DGKH: variants seen among roughly 807,000 people sequenced by gnomAD.
DGKH encodes the protein DAG kinase eta.
DGKH carries 90 observed loss-of-function variants against 159.3 expected under a neutral mutation model. That is an observed-to-expected ratio of 0.57 (90% CI 0.48 to 0.67). The LOEUF is 0.67. DGKH is among the 30% of genes least tolerant of loss of function. The pLI is 0.00. For missense variants in DGKH, 1,181 were observed against 1,506.1 expected, an observed-to-expected ratio of 0.78 and a Z score of 3.57; for synonymous variants, 536 against 553.8, an observed-to-expected ratio of 0.97 and a Z score of 0.45.
At position 42,198,802 on chromosome 13, in the gene DGKH, C is replaced by T. The variant is rs185774440; in HGVS notation, c.2285+207C>T. ...TCCGTGATCTGTCCCTGAGATAGGT[C>T]CTTTTCCAGCCCGTTCTCTCTGAGA... On this transcript the variant is annotated intron_variant, in intron 18 of 29. Transcript: ENST00000337343. Among the ~76,000 whole-genome samples, 256 of 152,230 alleles carry T rather than the reference C, an allele frequency of 1.7e-3. 1 individual carries two copies. The highest frequency in any genetic ancestry group is 3.1e-3 in the Non-Finnish European group (211 of 68,006).
chr13:42,250,869 A>C (rs989155459), intron 29 of DGKH, among the ~76,000 whole-genome samples: 1 of 152,186 alleles, frequency 6.6e-6, no homozygotes, highest in Non-Finnish European at 1.5e-5. Context: ...TAGCACTCTA[A>C]TTAGCTTAAT....
chr13:42,124,822 G>A (rs187370356), intron 1 of DGKH, among the ~76,000 whole-genome samples: 1 of 152,312 alleles, frequency 6.6e-6, no homozygotes, highest in East Asian at 1.9e-4. Flanking sequence ...TTAAGAGTCT[G>A]TGCAAAATGG....
chr13:42,198,454 A>T (rs1252060154), intron 17 of DGKH, 24 bp from the exon 18 acceptor site: 1 of 1,597,978 alleles, frequency 6.3e-7, no homozygotes, highest in East Asian at 2.2e-5. Flanking sequence ...ATGCGATCCC[A>T]TATGTGTTTG....
chr13:42,221,665 C>G (rs1193407420), intron 29 of DGKH, among the ~76,000 whole-genome samples: 10 of 152,176 alleles, frequency 6.6e-5, no homozygotes, highest in Admixed American at 3.3e-4. Context: ...TGTTGCTGTG[C>G]TAGTATTTCC....
At chr13:42,175,662 CA>C (rs1956583128) in intron 12 of DGKH, among the ~76,000 whole-genome samples, 1 of 151,908 alleles carries the variant, frequency 6.6e-6, no homozygotes, top group African/African-American at 2.4e-5. Context: ...TTTTTTTGTA[CA>C]AAAGAGTTTT....
rs539781403 is a variant in DGKH, at chr13:42,183,984, A to T, written c.1539-3065A>T. 1.1e-3 allele frequency among the ~76,000 whole-genome samples: 174 copies of T among 152,340 alleles called. 1 individual carries two copies. The highest frequency in any genetic ancestry group is 2.2e-3 in the Non-Finnish European group (151 of 68,034). ...GTGTACAAAAGTTTCAGAAAATGGG[A>T]TAACTAGCTAGCAGGAATATTGACG... On this transcript the variant is annotated intron_variant, in intron 13 of 29. Transcript: ENST00000337343.
chr13:42,127,351 A>C (rs970846279), intron 1 of DGKH, 112 bp from the exon 2 acceptor site: 4 of 775,016 alleles, frequency 5.2e-6, no homozygotes, highest in Admixed American at 2.5e-5. Flanking sequence ...GTAATTTGTA[A>C]GACATGAGAA....
chr13:42,206,333 C>T (rs1441391474), intron 21 of DGKH, among the ~76,000 whole-genome samples, 187 bp downstream of exon 21: 1 of 152,096 alleles, frequency 6.6e-6, no homozygotes, highest in Non-Finnish European at 1.5e-5. Flanking sequence ...TGTACTCCAA[C>T]TTTTCTCATG....
chr13:42,226,557 C>T (rs115616840), intron 29 of DGKH, among the ~76,000 whole-genome samples: 5,695 of 152,214 alleles, frequency 0.037, 323 homozygotes, highest in African/African-American at 0.13. Context: ...AATTGCCCAT[C>T]AGTTGTAGAC....
In DGKH at chr13:42,136,088, C is replaced by T. The variant is rs191349126; in HGVS notation, c.384+6456C>T. Among the ~76,000 whole-genome samples the T allele has an allele frequency of 5.1e-4, 78 of 152,282 alleles. 1 individual carries two copies. The East Asian group carries it at 0.014, about 27-fold the overall frequency. ...TTTCCTCAACAGTCATTGAGAATAA[C>T]AAGAGTACCTACCTCATAGGATTAT... On this transcript the variant is annotated intron_variant, in intron 3 of 29. Transcript: ENST00000337343.
At chr13:42,250,791 G>C (rs1958615255) in intron 29 of DGKH, among the ~76,000 whole-genome samples, 1 of 152,072 alleles carries the variant, frequency 6.6e-6, no homozygotes, top group Non-Finnish European at 1.5e-5. Flanking sequence ...TCAGCCTAAA[G>C]GCATAAATGT....
At chr13:42,168,377 C>T in intron 9 of DGKH, 63 bp from the exon 10 acceptor site, 1 of 1,388,546 alleles carries the variant, frequency 7.2e-7, no homozygotes, top group Non-Finnish European at 1.0e-6. Context: ...TACAGAATAA[C>T]AAAGAATTGA....
At chr13:42,132,524 T>C (rs1955309284) in intron 3 of DGKH, among the ~76,000 whole-genome samples, 1 of 152,246 alleles carries the variant, frequency 6.6e-6, no homozygotes, top group African/African-American at 2.4e-5. Flanking sequence ...TACAGGTCTT[T>C]CTTGGCCCTT....
intron 20 of DGKH, among the ~76,000 whole-genome samples, chr13:42,200,854 T>C (rs1957330721): frequency 6.6e-6 from 1 of 152,170 alleles, no homozygotes; most frequent in Non-Finnish European, 1.5e-5. Context: ...GATAAAAAGG[T>C]ACAAAATCAG....
At chr13:42,249,976 TG>T (rs577008414) in intron 29 of DGKH, among the ~76,000 whole-genome samples, 1 of 151,240 alleles carries the variant, frequency 6.6e-6, no homozygotes, top group South Asian at 2.1e-4. Context: ...TTTGTTTTTT[TG>T]TTTTTTTTTT....
chr13:42,241,554 C>T lies in DGKH; in HGVS notation c.*12366C>T, dbSNP rs1958514366. ...GACTGATAGATCTGTAGAATGTGAA[C>T]TCACATTTAAAGTTTATTTTGGGAA... is the stretch of plus-strand genomic sequence containing the variant. On this transcript the variant is annotated 3_prime_UTR_variant, in exon 30 of 30. Coordinates refer to ENST00000337343, the MANE Select transcript of DGKH (RefSeq NM_178009.5). The T allele has an allele frequency of 6.6e-6, 1 of 152,174 alleles. No individual in the cohort carries two copies. The highest frequency in any genetic ancestry group is 2.4e-5 in the African/African-American group (1 of 41,434). The allele number at this position is 152,174 out of a possible 1,614,324, so 9.4% of individuals were successfully genotyped here. A position where few individuals can be genotyped will look rare whatever the true frequency, so the allele number is the denominator to read the frequency against.
chr13:42,119,295 A>T (rs979159366), intron 1 of DGKH, among the ~76,000 whole-genome samples: 1 of 152,240 alleles, frequency 6.6e-6, no homozygotes, highest in African/African-American at 2.4e-5. Context: ...AAGAATTTGT[A>T]TGTGAATGAA....
chr13:42,172,214 C>A (rs148120392), intron 11 of DGKH, among the ~76,000 whole-genome samples: 1 of 151,940 alleles, frequency 6.6e-6, no homozygotes, highest in African/African-American at 2.4e-5. Flanking sequence ...CACATTCAAG[C>A]GATACTCCTG....
intron 1 of DGKH, among the ~76,000 whole-genome samples, chr13:42,090,516 T>C (rs1954395856): frequency 6.6e-6 from 1 of 152,120 alleles, no homozygotes; most frequent in Admixed American, 6.5e-5. Flanking sequence ...ACTACAATAA[T>C]GCAAAGAGTG....
Sources: allele counts gnomAD v4.1 joint callset (sites outside exome capture counted in the v4.1 genomes callset), GRCh38; gene constraint gnomAD v4.1.1; transcripts MANE v1.5; gene names NCBI Gene and HGNC (gene_info 2026-07-23, HGNC 2026-07-21).